Variants in SH3RF3 observed in about 807,000 individuals in gnomAD.
SH3RF3 encodes the protein E3 ubiquitin-protein ligase SH3RF3.
In SH3RF3, 29 loss-of-function variants were observed where a neutral mutation model predicts 66.3. The ratio of observed to expected loss-of-function variants is 0.44; its 90% CI spans 0.33 to 0.60. SH3RF3 has a LOEUF of 0.60. Ranked by LOEUF, SH3RF3 falls within the 20% of genes least tolerant of loss-of-function variation. The pLI, the probability that SH3RF3 is intolerant of heterozygous loss-of-function variation, is 0.04. For synonymous variants in SH3RF3, 583 were observed against 532.0 expected, an observed-to-expected ratio of 1.10 and a Z score of -1.32; for missense variants, 1,194 against 1,190.9, an observed-to-expected ratio of 1.00 and a Z score of -0.04.
intron 1 of SH3RF3, among the ~76,000 whole-genome samples, chr2:109,146,881 T>TC (rs1325774239): frequency 3.5e-3 from 27 of 7,800 alleles, no homozygotes; most frequent in South Asian, 0.017. Flanking sequence ...TCTTCTTTTT[T>TC]CCCTCCCCCC....
At chr2:109,258,407 G>T (rs1482886511) in intron 1 of SH3RF3, among the ~76,000 whole-genome samples, 1 of 152,182 alleles carries the variant, frequency 6.6e-6, no homozygotes, top group African/African-American at 2.4e-5. Flanking sequence ...GGTCTCTACA[G>T]CTCAGAGCCT....
intron 1 of SH3RF3, among the ~76,000 whole-genome samples, chr2:109,200,269 A>G (rs116595409): frequency 0.01 from 1,558 of 152,214 alleles, 33 homozygotes; most frequent in African/African-American, 0.035. Flanking sequence ...GCTTTCAGCA[A>G]GGTGTTCTCA....
intron 7 of SH3RF3, among the ~76,000 whole-genome samples, chr2:109,445,227 A>G (rs892884876): frequency 1.6e-4 from 25 of 152,226 alleles, no homozygotes; most frequent in Non-Finnish European, 2.6e-4. Flanking sequence ...CAGGATTTTC[A>G]TAACTAGAAA....
chr2:109,433,071 TTG>T (rs1677287203), intron 6 of SH3RF3, among the ~76,000 whole-genome samples: 1 of 152,196 alleles, frequency 6.6e-6, no homozygotes, highest in Non-Finnish European at 1.5e-5. Context: ...TGCATGGTAT[TTG>T]TGCATGTGTG....
chr2:109,335,644 T>C (rs1016991184), intron 1 of SH3RF3, among the ~76,000 whole-genome samples: 1 of 152,214 alleles, frequency 6.6e-6, no homozygotes, highest in Admixed American at 6.5e-5. Context: ...TTGTATGTTT[T>C]GTTGCTGTCC....
intron 8 of SH3RF3, among the ~76,000 whole-genome samples, chr2:109,462,015 AC>A (rs1427520483): frequency 3.9e-5 from 6 of 151,932 alleles, no homozygotes; most frequent in African/African-American, 1.5e-4. Flanking sequence ...GTGTGCCCCC[AC>A]ACCACCAAAC....
At chr2:109,201,036 G>C (rs1678659472) in intron 1 of SH3RF3, among the ~76,000 whole-genome samples, 1 of 152,152 alleles carries the variant, frequency 6.6e-6, no homozygotes, top group South Asian at 2.1e-4. Context: ...ACCTGGGTGG[G>C]ACCCTGTGAG....
chr2:109,300,484 C>T (rs1181152366), intron 1 of SH3RF3, among the ~76,000 whole-genome samples: 1 of 152,134 alleles, frequency 6.6e-6, no homozygotes, highest in Non-Finnish European at 1.5e-5. Context: ...CCATCCGCAC[C>T]CTGAGTTTTT....
intron 1 of SH3RF3, among the ~76,000 whole-genome samples, chr2:109,218,365 T>C (rs768527794): frequency 1.3e-5 from 2 of 152,206 alleles, no homozygotes; most frequent in African/African-American, 2.4e-5. Flanking sequence ...ATTCAAAATA[T>C]GGGCTTCTGA....
chr2:109,480,019 G>C (rs1678793358), intron 8 of SH3RF3, among the ~76,000 whole-genome samples: 1 of 152,214 alleles, frequency 6.6e-6, no homozygotes, highest in Non-Finnish European at 1.5e-5. Context: ...GAGGGAAGCA[G>C]TGGTTTCAAC....
chr2:109,384,890 T>C (rs1675786326), intron 3 of SH3RF3, among the ~76,000 whole-genome samples: 1 of 152,118 alleles, frequency 6.6e-6, no homozygotes, highest in Admixed American at 6.5e-5. Flanking sequence ...CACAGTTCAT[T>C]CTCACACAGC....
chr2:109,451,877 A>G (rs1450880148), intron 8 of SH3RF3, among the ~76,000 whole-genome samples: 1 of 152,194 alleles, frequency 6.6e-6, no homozygotes, highest in Admixed American at 6.5e-5. Context: ...GGCTGGACAC[A>G]TGCTGTGGGA....
At chr2:109,402,214 G>T (rs2104453286) in intron 4 of SH3RF3, among the ~76,000 whole-genome samples, 1 of 152,330 alleles carries the variant, frequency 6.6e-6, no homozygotes, top group South Asian at 2.1e-4. Flanking sequence ...CTACCACCTT[G>T]CTGGCCATGT....
At chr2:109,268,461 CT>C (rs1264535100) in intron 1 of SH3RF3, among the ~76,000 whole-genome samples, 1 of 152,134 alleles carries the variant, frequency 6.6e-6, no homozygotes, top group Non-Finnish European at 1.5e-5. Flanking sequence ...AGGAGTGTGG[CT>C]GCAGCAGCTC....
At chr2:109,185,339 A>G (rs1235201432) in intron 1 of SH3RF3, among the ~76,000 whole-genome samples, 2 of 152,222 alleles carry the variant, frequency 1.3e-5, no homozygotes, top group Non-Finnish European at 2.9e-5. Flanking sequence ...TTAAACAATA[A>G]AAGATTGGAT....
rs192679474 is a variant in SH3RF3, at chr2:109,449,440, C to T, written c.2099C>T (p.Ser700Phe). Residue 700 changes from serine (S) to phenylalanine (F), a missense_variant, in exon 8 of 10, where the codon TCC (serine) becomes TTC (phenylalanine). Coordinates refer to ENST00000309415, the MANE Select transcript of SH3RF3 (RefSeq NM_001099289.3). ...GGGCCCATCGGTGTTCTGTCCACAT[C>T]CAGCCCCACCAACACGGGATGCAAA... ...GGGPIGVLSTSSPTNTGCKLD... is the reference protein window; with the variant it reads ...GGGPIGVLSTFSPTNTGCKLD... 5.7e-3 allele frequency: 9,193 copies of T among 1,614,004 alleles called. 35 individuals carry two copies. Among genetic ancestry groups the T allele is most frequent in the Non-Finnish European group, 7.2e-3 (8,482 of 1,179,886 alleles).
intron 1 of SH3RF3, among the ~76,000 whole-genome samples, chr2:109,325,331 CTTTTTTT>C (rs11298946): frequency 2.9e-4 from 19 of 66,270 alleles, no homozygotes; most frequent in Admixed American, 5.6e-4. Flanking sequence ...TTCTTTCTTT[CTTTTTTT>C]TTTTTTTTTT....
chr2:109,401,903 G>A (rs1676327391), intron 4 of SH3RF3, among the ~76,000 whole-genome samples: 1 of 152,248 alleles, frequency 6.6e-6, no homozygotes, highest in South Asian at 2.1e-4. Flanking sequence ...ATTAGAATTA[G>A]GGATTGACGG....
intron 1 of SH3RF3, among the ~76,000 whole-genome samples, chr2:109,152,388 A>G (rs1260749966): frequency 1.3e-5 from 2 of 152,194 alleles, no homozygotes; most frequent in Non-Finnish European, 2.9e-5. Flanking sequence ...GTTAGCTGAC[A>G]TGTACAGCAA....
Sources: allele counts gnomAD v4.1 joint callset (sites outside exome capture counted in the v4.1 genomes callset), GRCh38; gene constraint gnomAD v4.1.1; transcripts MANE v1.5; gene names NCBI Gene and HGNC (gene_info 2026-07-23, HGNC 2026-07-21).